Variants in PPIE observed in about 807,000 individuals in gnomAD.
PPIE encodes the protein peptidylprolyl isomerase E.
PPIE carries 20 observed loss-of-function variants against 38.4 expected under a neutral mutation model. The ratio of observed to expected loss-of-function variants is 0.52; its 90% confidence interval spans 0.37 to 0.76. PPIE has a LOEUF of 0.76. Ranked by LOEUF, PPIE falls within the 30% of genes least tolerant of loss-of-function variation. The probability of loss-of-function intolerance (pLI) is 0.00; values close to 1 mark genes in which losing one functional copy is unlikely to be tolerated. For missense variants in PPIE, 322 were observed against 385.8 expected (o/e 0.83, Z 1.39); for synonymous variants, 142 against 135.7 (o/e 1.05, Z -0.32).
rs1035530998 is a variant in PPIE, at chr1:39,753,674, T to G, written c.*319T>G. ...ACCAGTGTGGCTCTTACGTGTTTTC[T>G]TTGCTAAAATAAACCCTAGTTCTTA... On this transcript the variant is annotated 3_prime_UTR_variant, in exon 10 of 10. Transcript: ENST00000324379. The G allele has an allele frequency of 1.7e-6, 2 of 1,146,690 alleles. No individual in the cohort carries two copies. Among genetic ancestry groups the G allele is most frequent in the African/African-American group, 3.2e-5 (2 of 62,370 alleles). 71.0% of individuals were successfully genotyped at this position (1,146,690 alleles called of 1,614,324 possible). A position where few individuals can be genotyped will look rare whatever the true frequency, so the allele number is the denominator to read the frequency against.
Position 39,749,026 on chromosome 1 carries a change from G to T in PPIE, c.632G>T (p.Gly211Val), listed in dbSNP as rs1647413321. The change falls in exon 8 of 10, where the codon GGC becomes GTC. Residue 211 changes from glycine (G) to valine (V), a missense_variant. Coordinates refer to ENST00000324379, the MANE Select transcript of PPIE (RefSeq NM_006112.4). ...GDFTNHNGTG[G>V]KSIYGKKFDD... ...TTCACAAACCACAATGGCACTGGGG[G>T]CAAGTCCATCTATGGGAAGAAGTTC... 1 of 1,611,638 alleles carries T rather than the reference G, an allele frequency of 6.2e-7. No individual in the cohort carries two copies. Among genetic ancestry groups the T allele is most frequent in the Non-Finnish European group, 8.5e-7 (1 of 1,179,420 alleles).
At chr1:39,748,879 C>T (rs752957061) in intron 7 of PPIE, 24 bp from the exon 8 acceptor site, 7 of 1,602,412 alleles carry the variant, frequency 4.4e-6, no homozygotes, top group East Asian at 2.2e-5. Flanking sequence ...TTAACCCCAG[C>T]GCTTTTTCCT....
At chr1:39,750,184 A>G (rs999501260) in intron 8 of PPIE, among the ~76,000 whole-genome samples, 1 of 152,018 alleles carries the variant, frequency 6.6e-6, no homozygotes, top group Non-Finnish European at 1.5e-5. Context: ...CTCTCCAGCT[A>G]TCACCCATGC....
chr1:39,740,514 A>C (rs2124287827), intron 2 of PPIE, among the ~76,000 whole-genome samples: 1 of 152,332 alleles, frequency 6.6e-6, no homozygotes, highest in East Asian at 1.9e-4. Flanking sequence ...TCAATAGACC[A>C]GTAGGGAGAT....
chr1:39,753,507 C>T lies in PPIE; in HGVS notation c.*152C>T. ...TCCTCAGGGTCTGCTTGGAGCAGCT[C>T]CTCTGCAGGCACAGCCTGGACTATT... On this transcript the variant is annotated 3_prime_UTR_variant, in exon 10 of 10. Coordinates refer to ENST00000324379, the MANE Select transcript of PPIE (RefSeq NM_006112.4). 6.9e-7 allele frequency: 1 copy of T among 1,442,704 alleles called. No individual in the cohort carries two copies. The allele number at this position is 1,442,704 out of a possible 1,614,324, so 89.4% of individuals were successfully genotyped here. A position where few individuals can be genotyped will look rare whatever the true frequency, so the allele number is the denominator to read the frequency against.
chr1:39,762,565 A>C lies in PPIE; in HGVS notation c.838-1124A>C. The C allele has an allele frequency of 1.9e-6, 3 of 1,550,418 alleles. No homozygotes were observed. In the East Asian group the frequency reaches 7.3e-5, roughly 38 times the overall value. On this transcript the variant is annotated intron_variant, in intron 9 of 9. Coordinates refer to the PPIE transcript ENST00000356511. Reference sequence around the variant, plus strand: ...AAAAGCCAGGGGATCCAGAAAAAACAAAGATGGCCAAGAGAGAAACTGGGG... The same window carrying C: ...AAAAGCCAGGGGATCCAGAAAAAACCAAGATGGCCAAGAGAGAAACTGGGG...
At chr1:39,762,915 G>A (rs1375448526) in intron 9 of PPIE, among the ~76,000 whole-genome samples, 1 of 152,250 alleles carries the variant, frequency 6.6e-6, no homozygotes, top group Non-Finnish European at 1.5e-5. Context: ...TAGTGTGGCT[G>A]TATAAGGACC....
intron 7 of PPIE, chr1:39,748,272 T>G (rs1647333705): frequency 6.6e-6 from 1 of 152,246 alleles, no homozygotes; most frequent in South Asian, 2.1e-4. Flanking sequence ...CTGCTTTTGG[T>G]GTGACATTTA....
chr1:39,763,551 C>G (rs1305359509), intron 9 of PPIE: 5 of 1,143,450 alleles, frequency 4.4e-6, no homozygotes, highest in South Asian at 3.5e-5. Flanking sequence ...AAAAAAAAAC[C>G]CTTTCTCACC....
downstream of PPIE, chr1:39,759,210 A>C (rs778315144): frequency 6.6e-6 from 1 of 152,272 alleles, no homozygotes; most frequent in South Asian, 2.1e-4. Flanking sequence ...ACTCAGCCTA[A>C]TTACTACTTG....
chr1:39,742,174 G>T, intron 4 of PPIE: 1 of 463,982 alleles, frequency 2.2e-6, no homozygotes, highest in Non-Finnish European at 3.9e-6. Context: ...CCCATGTTTA[G>T]GATAATTTGC....
chr1:39,757,770 C>T (rs1648444289), downstream of PPIE: 1 of 152,220 alleles, frequency 6.6e-6, no homozygotes, highest in Non-Finnish European at 1.5e-5. Context: ...TGCAGATGCA[C>T]ATGCTTGGCT....
chr1:39,741,451 T>C lies in PPIE; in HGVS notation c.174+42T>C, dbSNP rs967930075. 4 of 1,598,472 alleles carry C rather than the reference T, an allele frequency of 2.5e-6. No homozygotes were observed. The African/African-American group carries it at 4.0e-5, about 16-fold the overall frequency. Reference sequence around the variant, plus strand: ...CTAGTGTCTAGTCCTTGGTTTGTGATGTTGTTACTGATTACAAAGGAAGCT... The same window carrying C: ...CTAGTGTCTAGTCCTTGGTTTGTGACGTTGTTACTGATTACAAAGGAAGCT... On this transcript the variant is annotated intron_variant, in intron 3 of 9. Transcript: ENST00000324379.
downstream of PPIE, chr1:39,760,254 G>A: frequency 1.7e-6 from 2 of 1,164,304 alleles, no homozygotes; most frequent in Non-Finnish European, 2.4e-6. Flanking sequence ...AGGGCAAGGG[G>A]AGCATAGGAG....
At chr1:39,763,065 G>A in intron 9 of PPIE, 2 of 1,609,862 alleles carry the variant, frequency 1.2e-6, no homozygotes, top group Admixed American at 1.7e-5. Context: ...ACCCCAGGGG[G>A]CTGGGCAGGA....
At chr1:39,739,061 G>A (rs1353329500) in intron 1 of PPIE, 130 bp downstream of exon 1, 5 of 1,008,706 alleles carry the variant, frequency 5.0e-6, no homozygotes, top group Non-Finnish European at 6.6e-6. Context: ...TGGCGGTAGT[G>A]CTGGCGATAG....
intron 8 of PPIE, among the ~76,000 whole-genome samples, chr1:39,751,117 G>T (rs908308486): frequency 1.2e-4 from 18 of 152,242 alleles, no homozygotes; most frequent in Admixed American, 1.1e-3. Context: ...ATACCACTAG[G>T]AGTGATGCTA....
chr1:39,743,446 A>G (rs1647111781), intron 5 of PPIE, 149 bp downstream of exon 5: 1 of 688,064 alleles, frequency 1.5e-6, no homozygotes, highest in Non-Finnish European at 2.5e-6. Context: ...AAGGGCATGC[A>G]CCACCTTTTT....
chr1:39,755,287 A>G lies in PPIE; in HGVS notation c.*1932A>G, dbSNP rs1569721874. 9 of 985,358 alleles carry G rather than the reference A, an allele frequency of 9.1e-6. No homozygotes were observed. The highest frequency in any genetic ancestry group is 9.6e-6 in the Non-Finnish European group (8 of 829,942). 61.0% of individuals were successfully genotyped at this position (985,358 alleles called of 1,614,324 possible). On this transcript the variant is annotated 3_prime_UTR_variant, in exon 10 of 10. Coordinates refer to ENST00000324379, the MANE Select transcript of PPIE (RefSeq NM_006112.4). ...TTGAGATCTGGATGAGCCAGGAGGCAGGAGAGGCTAGGTGGTCCTCATGAC... is the reference window on the plus strand; with the variant it reads ...TTGAGATCTGGATGAGCCAGGAGGCGGGAGAGGCTAGGTGGTCCTCATGAC...
Sources: gnomAD v4.1 joint callset for allele counts (sites outside exome capture counted in the v4.1 genomes callset) on GRCh38, gnomAD v4.1.1 for gene constraint, MANE v1.5 for transcripts, NCBI Gene and HGNC (gene_info 2026-07-23, HGNC 2026-07-21) for gene names.